NXN: variants seen among roughly 807,000 people sequenced by gnomAD.
NXN encodes the protein nucleoredoxin 1.
NXN carries 16 observed loss-of-function variants against 48.6 expected under a neutral mutation model. The observed-to-expected ratio is 0.33, with a 90% CI of 0.22 to 0.50. The LOEUF (loss-of-function observed/expected upper bound fraction) is 0.50. Ranked by LOEUF, NXN falls within the 20% of genes least tolerant of loss-of-function variation. The pLI is 0.98. For synonymous variants in NXN, 281 were observed against 269.6 expected (o/e 1.04, Z -0.41); for missense variants, 492 against 605.5 (o/e 0.81, Z 1.97).
chr17:973,271 C>T (rs538106199), intron 1 of NXN, among the ~76,000 whole-genome samples: 61 of 152,290 alleles, frequency 4.0e-4, no homozygotes, highest in African/African-American at 1.3e-3. Flanking sequence ...GGCAGGTCCA[C>T]GCTAGAGGTG....
At chr17:870,009 G>A (rs1011503290) in intron 1 of NXN, among the ~76,000 whole-genome samples, 5 of 152,196 alleles carry the variant, frequency 3.3e-5, no homozygotes, top group Admixed American at 3.3e-4. Flanking sequence ...GGGCCATTTA[G>A]CAATGCCTGG....
chr17:962,479 A>C (rs921834269), intron 1 of NXN, among the ~76,000 whole-genome samples: 2 of 152,082 alleles, frequency 1.3e-5, no homozygotes, highest in African/African-American at 4.8e-5. Context: ...ACCAGCCTGG[A>C]CAACACGGTA....
intron 6 of NXN, 48 bp downstream of exon 6, chr17:805,020 T>TGCCCCCC: frequency 1.1e-5 from 16 of 1,512,850 alleles, no homozygotes; most frequent in Non-Finnish European, 7.2e-6. Context: ...GCCCCTCCTG[T>TGCCCCCC]CCCGCCCCCC....
chr17:916,042 G>A (rs1223722888), intron 1 of NXN, among the ~76,000 whole-genome samples: 2 of 152,228 alleles, frequency 1.3e-5, no homozygotes, highest in Non-Finnish European at 2.9e-5. Flanking sequence ...GCTCTTAAGA[G>A]CGCCTGTCTG....
intron 1 of NXN, among the ~76,000 whole-genome samples, chr17:886,205 T>C (rs1353198683): frequency 6.6e-6 from 1 of 151,870 alleles, no homozygotes; most frequent in East Asian, 1.9e-4. Context: ...TTAGGCAGAG[T>C]GGATTTCAGT....
At chr17:966,128 AAAG>A (rs2069300044) in intron 1 of NXN, among the ~76,000 whole-genome samples, 1 of 151,936 alleles carries the variant, frequency 6.6e-6, no homozygotes, top group African/African-American at 2.4e-5. Context: ...AAAAAAAAAA[AAAG>A]AAAAGAAAAG....
intron 1 of NXN, among the ~76,000 whole-genome samples, chr17:884,152 C>T (rs776844349): frequency 1.2e-4 from 18 of 151,988 alleles, no homozygotes; most frequent in African/African-American, 4.1e-4. Flanking sequence ...ACCTGGGAGG[C>T]GGAGCTTGCA....
intron 1 of NXN, among the ~76,000 whole-genome samples, chr17:852,020 G>A (rs1374348126): frequency 2.0e-5 from 3 of 152,226 alleles, no homozygotes; most frequent in African/African-American, 7.2e-5. Flanking sequence ...GCTCAATTAG[G>A]GGCGCCAGTC....
rs374545003 is a variant in NXN, at chr17:979,753, T to C, written c.-75A>G. 0.062 allele frequency: 74,291 copies of C among 1,204,696 alleles called. 2,644 individuals carry two copies. The highest frequency in any genetic ancestry group is 0.07 in the Non-Finnish European group (66,825 of 954,752). The allele number at this position is 1,204,696 out of a possible 1,614,324, so 74.6% of individuals were successfully genotyped here. A position where few individuals can be genotyped will look rare whatever the true frequency, so the allele number is the denominator to read the frequency against. On this transcript the variant is annotated 5_prime_UTR_variant, in exon 1 of 8. Coordinates refer to ENST00000336868, the MANE Select transcript of NXN (RefSeq NM_022463.5). The stretch of plus-strand genomic sequence containing the variant: ...CGCGCGGCGGGAGGAGGCGGCGGCG[T>C]CGGCGGCAGGCGCTGGGGAGAGCAG...
intron 1 of NXN, chr17:929,892 GCTCTGCT>G (rs2068836346): frequency 6.6e-6 from 1 of 150,944 alleles, no homozygotes; most frequent in Admixed American, 6.6e-5. Flanking sequence ...AAATTTTAAA[GCTCTGCT>G]CTCGAAAATG....
chr17:824,196 G>C (rs1238554933), intron 2 of NXN, among the ~76,000 whole-genome samples: 1 of 152,090 alleles, frequency 6.6e-6, no homozygotes, highest in African/African-American at 2.4e-5. Flanking sequence ...CCCGCCACCA[G>C]GCCCGGCTAA....
intron 1 of NXN, among the ~76,000 whole-genome samples, chr17:856,956 C>T (rs943906772): frequency 1.3e-5 from 2 of 152,130 alleles, no homozygotes; most frequent in Non-Finnish European, 2.9e-5. Context: ...AAAACTCTTC[C>T]GACTTCTACA....
At position 878,474 on chromosome 17, in the gene NXN, T is replaced by A. The variant is rs1400824669; in HGVS notation, c.361-52396A>T. On this transcript the variant is annotated intron_variant, in intron 1 of 7. Coordinates refer to ENST00000336868, the MANE Select transcript of NXN (RefSeq NM_022463.5). ...GGCGGGGGTGGGGGGACCTTGAAGG[T>A]GGGGTGTGGGGGCAGGGGAGGGGGT... Among the ~76,000 whole-genome samples, 8 of 8,284 alleles carry A rather than the reference T, an allele frequency of 9.7e-4. No individual in the cohort carries two copies. The South Asian group carries it at 0.013, about 13-fold the overall frequency. 5.4% of individuals were successfully genotyped at this position (8,284 alleles called of 152,430 possible).
intron 5 of NXN, among the ~76,000 whole-genome samples, chr17:812,680 G>C (rs541622356): frequency 2.0e-3 from 304 of 151,804 alleles, no homozygotes; most frequent in Non-Finnish European, 3.4e-3. Flanking sequence ...GTGAGTGTAG[G>C]TGTGTGCACA....
intron 6 of NXN, 169 bp from the exon 7 acceptor site, chr17:803,975 G>T (rs1008840269): frequency 7.6e-6 from 6 of 793,654 alleles, no homozygotes; most frequent in Non-Finnish European, 1.2e-5. Flanking sequence ...ATGCATGGGT[G>T]TGTGTGCACA....
intron 1 of NXN, among the ~76,000 whole-genome samples, chr17:827,905 C>CAGGGG (rs1208579723): frequency 3.3e-5 from 5 of 152,148 alleles, no homozygotes; most frequent in South Asian, 2.1e-4. Flanking sequence ...AGGGGCAGGG[C>CAGGGG]AGGGGATCTG....
At chr17:882,605 T>A (rs1056965584) in intron 1 of NXN, among the ~76,000 whole-genome samples, 15 of 151,424 alleles carry the variant, frequency 9.9e-5, no homozygotes, top group African/African-American at 3.2e-4. Flanking sequence ...AACTGGGACT[T>A]CAGGCGCCCA....
intron 1 of NXN, among the ~76,000 whole-genome samples, chr17:944,489 C>T (rs375127692): frequency 1.2e-4 from 18 of 152,300 alleles, no homozygotes; most frequent in African/African-American, 4.1e-4. Context: ...GTTCACCAAG[C>T]GTGGGGCTCC....
chr17:919,634 T>C lies in NXN; in HGVS notation c.360+59685A>G, dbSNP rs1375028138. ...TCCCCGCATTCGTCCCACGCGGCCC[T>C]CAGACACGGGCTCTGGTTCAAGGTG... On this transcript the variant is annotated intron_variant, in intron 1 of 7. Transcript: ENST00000336868. The surrounding 1 kb of genome is among the most constrained non-coding windows in gnomAD (Gnocchi z 5.1). Among the ~76,000 whole-genome samples the C allele has an allele frequency of 6.6e-6, 1 of 151,972 alleles. No homozygotes were observed. The highest frequency in any genetic ancestry group is 1.5e-5 in the Non-Finnish European group (1 of 68,006).
Sources: allele counts gnomAD v4.1 joint callset (sites outside exome capture counted in the v4.1 genomes callset), GRCh38; gene constraint gnomAD v4.1.1; non-coding constraint Gnocchi (gnomAD v3.1); transcripts MANE v1.5; gene names NCBI Gene and HGNC (gene_info 2026-07-23, HGNC 2026-07-21).